ZMYM6: variants seen among roughly 807,000 people sequenced by gnomAD.
The protein encoded by ZMYM6 is zinc finger MYM-type protein 6.
ZMYM6 carries 90 observed loss-of-function variants against 134.0 expected under a neutral mutation model. The ratio of observed to expected loss-of-function variants is 0.67; its 90% confidence interval spans 0.57 to 0.80. The LOEUF is 0.80. Among genes scored for constraint, ZMYM6 ranks in the 30% least tolerant of loss-of-function variants. The pLI, the probability that ZMYM6 is intolerant of heterozygous loss-of-function variation, is 0.00. For missense variants in ZMYM6, 1,362 were observed against 1,533.9 expected (o/e 0.89, Z 1.87); for synonymous variants, 481 against 524.1 (o/e 0.92, Z 1.12).
At chr1:34,989,249 A>G (rs1462466374) in intron 15 of ZMYM6, 2 of 1,056,598 alleles carry the variant, frequency 1.9e-6, no homozygotes, top group African/African-American at 1.7e-5. Flanking sequence ...TTAACAATAA[A>G]CTTTTTGGCT....
Position 34,987,076 on chromosome 1 carries a change from A to C in ZMYM6, c.*28T>G. ...TACAAAACTTAACACAGGATTATTG[A>C]CTTCACTGTTAAGCAATGTGCATAT... On this transcript the variant is annotated 3_prime_UTR_variant, in exon 16 of 16. Transcript: ENST00000357182. 7.0e-7 allele frequency: 1 copy of C among 1,423,274 alleles called. No homozygotes were observed. The highest frequency in any genetic ancestry group is 9.3e-7 in the Non-Finnish European group (1 of 1,071,508). The allele number at this position is 1,423,274 out of a possible 1,614,324, so 88.2% of individuals were successfully genotyped here.
chr1:35,029,596 C>T (rs1641480287), intron 2 of ZMYM6, among the ~76,000 whole-genome samples: 1 of 152,134 alleles, frequency 6.6e-6, no homozygotes, highest in Non-Finnish European at 1.5e-5. Flanking sequence ...ATCATCATCA[C>T]CATTTTCATA....
intron 12 of ZMYM6, among the ~76,000 whole-genome samples, chr1:35,005,767 T>C (rs1397736406): frequency 6.6e-6 from 1 of 152,088 alleles, no homozygotes; most frequent in African/African-American, 2.4e-5. Context: ...AATAAGTTAA[T>C]GAGGGAGCTG....
rs1641034736 is a variant in ZMYM6, at chr1:35,008,894, C to T, written c.1523G>A (p.Gly508Glu). The T allele has an allele frequency of 6.2e-7, 1 of 1,612,944 alleles. No homozygotes were observed. Among genetic ancestry groups the T allele is most frequent in the African/African-American group, 1.3e-5 (1 of 74,866 alleles). ...VCKFLSARDF[G>E]ERWGNYCKMC... The stretch of plus-strand genomic sequence containing the variant: ...CTTACAGTAGTTTCCCCATCGTTCT[C>T]CAAAGTCACGGGCAGAGAGGAATTT... Residue 508 changes from glycine to glutamate, a missense_variant, in exon 11 of 16, where the codon GGA becomes GAA. Gly to Glu is a moderately conservative substitution (Grantham distance 98, BLOSUM62 -2). This residue lies in a region of ZMYM6 where 35 missense variants were observed against 72.2 expected (regional missense o/e 0.48). Coordinates refer to ENST00000357182, the MANE Select transcript of ZMYM6 (RefSeq NM_007167.4).
intron 2 of ZMYM6, among the ~76,000 whole-genome samples, chr1:35,025,334 G>C (rs1362446144): frequency 6.6e-6 from 1 of 151,682 alleles, no homozygotes; most frequent in Non-Finnish European, 1.5e-5. Context: ...AGGTGTGGTG[G>C]TGGGCACCTG....
In ZMYM6 at chr1:34,992,730, TAC is replaced by T. The variant is rs1557558393; in HGVS notation, c.1993-345_1993-344del. Among the ~76,000 whole-genome samples, 67 of 139,696 alleles carry T rather than the reference TAC, an allele frequency of 4.8e-4. 6 individuals carry two copies. Among genetic ancestry groups the T allele is most frequent in the African/African-American group, 1.7e-3 (59 of 35,654 alleles). 91.6% of individuals were successfully genotyped at this position (139,696 alleles called of 152,430 possible). A position where few individuals can be genotyped will look rare whatever the true frequency, so the allele number is the denominator to read the frequency against. ...CTTATAAACTATAAAAATAAAAATATACTTATAAACTATAAATATAAAAATAT... is the reference window on the plus strand; with the variant it reads ...CTTATAAACTATAAAAATAAAAATATTTATAAACTATAAATATAAAAATAT... On this transcript the variant is annotated intron_variant, in intron 14 of 15. Transcript: ENST00000357182.
intron 14 of ZMYM6, among the ~76,000 whole-genome samples, chr1:35,001,998 C>T (rs1288523220): frequency 1.3e-5 from 2 of 152,134 alleles, no homozygotes; most frequent in Non-Finnish European, 2.9e-5. Context: ...CTTGCCACCA[C>T]GAACAGCAAT....
At chr1:35,005,051 T>A in intron 13 of ZMYM6, 81 bp downstream of exon 13, 1 of 1,535,688 alleles carries the variant, frequency 6.5e-7, no homozygotes, top group South Asian at 1.2e-5. Flanking sequence ...AGAGTGAAAC[T>A]GTCTCAAAAA....
chr1:35,015,206 A>C lies in ZMYM6; in HGVS notation c.429-44T>G, dbSNP rs747244231. ...GGTAAAAATGAAATGTATTCTTCAC[A>C]ACTGTAACTTCCTCCTCTTTGTGAG... On this transcript the variant is annotated intron_variant, in intron 4 of 15. Transcript: ENST00000357182. The C allele has an allele frequency of 3.3e-6, 5 of 1,498,904 alleles. No individual in the cohort carries two copies. In the South Asian group the frequency reaches 6.4e-5, roughly 19 times the overall value. The allele number at this position is 1,498,904 out of a possible 1,614,324, so 92.9% of individuals were successfully genotyped here.
chr1:35,015,198 T>A (rs1388646837), intron 4 of ZMYM6, 36 bp from the exon 5 acceptor site: 4 of 1,534,988 alleles, frequency 2.6e-6, no homozygotes, highest in Non-Finnish European at 3.5e-6. Flanking sequence ...ATGAAATGTA[T>A]TCTTCACAAC....
intron 2 of ZMYM6, among the ~76,000 whole-genome samples, chr1:35,023,914 G>A (rs542938383): frequency 2.6e-5 from 4 of 152,170 alleles, no homozygotes; most frequent in Admixed American, 1.3e-4. Flanking sequence ...GAGCCACCGC[G>A]CCCGGCCAGA....
At chr1:35,016,696 T>C (rs187691713) in intron 4 of ZMYM6, among the ~76,000 whole-genome samples, 10 of 152,162 alleles carry the variant, frequency 6.6e-5, no homozygotes, top group Middle Eastern at 3.4e-3. Flanking sequence ...AATGATGGAG[T>C]GCAGTGGCTC....
Position 34,988,879 on chromosome 1 carries a change from T to C in ZMYM6, c.2203A>G (p.Lys735Glu), listed in dbSNP as rs1335827456. The change falls in exon 16 of 16, where the codon AAA becomes GAA. Residue 735 changes from lysine (K) to glutamate (E), a missense_variant. Coordinates refer to ENST00000357182, the MANE Select transcript of ZMYM6 (RefSeq NM_007167.4). ...GTCTGGAAAAAACCTAATCTTTTTT[T>C]CTTTGAAGGTGGAGAATCAAGTTCT... is the stretch of plus-strand genomic sequence containing the variant. ...DAELDSPPSKKKRLGFFQTYD... is the reference protein window; with the variant it reads ...DAELDSPPSKEKRLGFFQTYD... 9.3e-6 allele frequency: 15 copies of C among 1,611,794 alleles called. No individual in the cohort carries two copies. Among genetic ancestry groups the C allele is most frequent in the African/African-American group, 1.3e-5 (1 of 74,870 alleles).
At chr1:35,015,941 CTTTCT>C (rs1215801400) in intron 4 of ZMYM6, among the ~76,000 whole-genome samples, 17 of 123,792 alleles carry the variant, frequency 1.4e-4, no homozygotes, top group East Asian at 5.6e-4. Flanking sequence ...TGAATTTTTT[CTTTCT>C]TTTTTTTTTT....
intron 10 of ZMYM6, 66 bp from the exon 11 acceptor site, chr1:35,008,990 T>A: frequency 6.6e-7 from 1 of 1,510,550 alleles, no homozygotes; most frequent in Non-Finnish European, 8.9e-7. Flanking sequence ...TATAATAAGT[T>A]TCTGTGGTCT....
chr1:34,993,431 A>T (rs1640721812), intron 14 of ZMYM6, among the ~76,000 whole-genome samples: 1 of 152,102 alleles, frequency 6.6e-6, no homozygotes, highest in African/African-American at 2.4e-5. Flanking sequence ...AGTATTCTTA[A>T]ATAAAACACA....
At chr1:35,000,053 C>A (rs1270841478) in intron 14 of ZMYM6, among the ~76,000 whole-genome samples, 1 of 152,094 alleles carries the variant, frequency 6.6e-6, no homozygotes, top group Admixed American at 6.6e-5. Context: ...CCACCTCAGC[C>A]TCCCAAGTAG....
chr1:34,994,703 C>T (rs1211359645), intron 14 of ZMYM6, among the ~76,000 whole-genome samples: 1 of 151,784 alleles, frequency 6.6e-6, no homozygotes, highest in Non-Finnish European at 1.5e-5. Flanking sequence ...AGAAGTATTG[C>T]GTTGGTACAA....
intron 2 of ZMYM6, among the ~76,000 whole-genome samples, chr1:35,029,171 A>G (rs1641471298): frequency 6.6e-6 from 1 of 152,182 alleles, no homozygotes; most frequent in African/African-American, 2.4e-5. Flanking sequence ...GCAAAACTCC[A>G]TCTCAAAACA....
Sources: allele counts gnomAD v4.1 joint callset (sites outside exome capture counted in the v4.1 genomes callset), GRCh38; gene constraint gnomAD v4.1.1; regional missense constraint gnomAD v4.1.1; transcripts MANE v1.5; gene names NCBI Gene and HGNC (gene_info 2026-07-23, HGNC 2026-07-21).